PAFAH2: variants seen among roughly 807,000 people sequenced by gnomAD.
The protein encoded by PAFAH2 is platelet activating factor acetylhydrolase 2.
Under a neutral mutation model 49.0 loss-of-function variants are expected in PAFAH2, and 42 were observed. The observed-to-expected ratio is 0.86, with a 90% CI of 0.67 to 1.11. The LOEUF (loss-of-function observed/expected upper bound fraction) is 1.11. Among genes scored for constraint, PAFAH2 ranks in the 50% least tolerant of loss-of-function variants. The probability of loss-of-function intolerance (pLI) is 0.00; values close to 1 mark genes in which losing one functional copy is unlikely to be tolerated. For missense variants in PAFAH2, 503 were observed against 501.8 expected, an observed-to-expected ratio of 1.00 and a Z score of -0.02; for synonymous variants, 184 against 181.3, an observed-to-expected ratio of 1.01 and a Z score of -0.12.
chr1:25,984,376 G>C, intron 5 of PAFAH2, 84 bp downstream of exon 5: 1 of 1,032,724 alleles, frequency 9.7e-7, no homozygotes, highest in Non-Finnish European at 1.5e-6. Context: ...GTTGTCGAGA[G>C]GGTTAGAAAT....
intron 1 of PAFAH2, among the ~76,000 whole-genome samples, chr1:25,992,340 A>G (rs774316658): frequency 2.0e-5 from 3 of 152,220 alleles, no homozygotes; most frequent in Non-Finnish European, 4.4e-5. Flanking sequence ...CTAAGAGGAA[A>G]AAAAGCAGAG....
rs566712888 is a variant in PAFAH2, at chr1:25,988,254, G to A, written c.318C>T (p.Phe106=). Residue 106 remains phenylalanine (F), a synonymous_variant, in exon 4 of 11, where the codon TTC becomes TTT. Transcript: ENST00000374282. ...ACCTGAAGGCTCCTAGGCCATGGGA[G>A]AAGATGATCAAGGGGTATCCAGAGT... The part of the protein sequence containing the change: ...TKDSGYPLII[F]SHGLGAFRTL... 83 of 1,606,940 alleles carry A rather than the reference G, an allele frequency of 5.2e-5. No individual in the cohort carries two copies. The highest frequency in any genetic ancestry group is 6.6e-5 in the Non-Finnish European group (78 of 1,176,788).
At chr1:25,983,578 T>C (rs1336904274) in intron 6 of PAFAH2, among the ~76,000 whole-genome samples, 2 of 150,286 alleles carry the variant, frequency 1.3e-5, no homozygotes, top group Non-Finnish European at 1.5e-5. Context: ...AAAAAACAAC[T>C]TATGGTTCTA....
intron 7 of PAFAH2, among the ~76,000 whole-genome samples, chr1:25,980,909 T>C (rs991351514): frequency 6.6e-6 from 1 of 151,642 alleles, no homozygotes; most frequent in Non-Finnish European, 1.5e-5. Context: ...CCCAGCTACT[T>C]GGGAGGCTGA....
At chr1:25,994,755 G>T (rs1356034471) in intron 1 of PAFAH2, among the ~76,000 whole-genome samples, 9 of 152,106 alleles carry the variant, frequency 5.9e-5, no homozygotes, top group Admixed American at 5.9e-4. Flanking sequence ...TCTGCATAGA[G>T]AACAGCACTT....
At position 25,962,063 on chromosome 1, in the gene PAFAH2, G is replaced by A; in HGVS notation, c.1105C>T (p.Gln369Ter). 1 of 1,613,640 alleles carries A rather than the reference G, an allele frequency of 6.2e-7. No homozygotes were observed. Among genetic ancestry groups the A allele is most frequent in the Non-Finnish European group, 8.5e-7 (1 of 1,179,732 alleles). The change falls in exon 11 of 11, where the codon CAA (glutamine) becomes TAA (stop). Residue 369 changes from glutamine (Q) to a stop codon, truncating the protein, a stop_gained. Transcript: ENST00000374282. LOFTEE classifies it high-confidence loss of function. ...KHLDLKEDYN[Q>*]WNNLIEGIGP... The stretch of plus-strand genomic sequence containing the variant: ...ATGCCTTCAATAAGGTTGTTCCATT[G>A]ATTATAGTCTTCTTTCAGGTCTGAA...
At chr1:25,988,830 A>T (rs951512069) in intron 3 of PAFAH2, among the ~76,000 whole-genome samples, 11 of 150,502 alleles carry the variant, frequency 7.3e-5, no homozygotes, top group Middle Eastern at 3.5e-3. Context: ...AAAAAAAAAA[A>T]AAAGGAAAAG....
At chr1:25,969,008 A>C (rs1262370174) in intron 10 of PAFAH2, among the ~76,000 whole-genome samples, 3 of 152,180 alleles carry the variant, frequency 2.0e-5, no homozygotes, top group Non-Finnish European at 4.4e-5. Context: ...TGTGAACACA[A>C]GTCTAATCAC....
intron 10 of PAFAH2, among the ~76,000 whole-genome samples, chr1:25,969,689 G>A (rs1048913187): frequency 6.6e-6 from 1 of 152,178 alleles, no homozygotes; most frequent in Admixed American, 6.5e-5. Flanking sequence ...CAGTCTAAGT[G>A]CCTCCTACCT....
intron 3 of PAFAH2, 75 bp downstream of exon 3, chr1:25,989,373 T>G (rs2049837872): frequency 1.4e-6 from 2 of 1,401,408 alleles, no homozygotes; most frequent in Admixed American, 4.8e-5. Context: ...TATAAGGTAC[T>G]GCGTCCACCT....
intron 10 of PAFAH2, among the ~76,000 whole-genome samples, chr1:25,970,221 C>T (rs1254646799): frequency 6.6e-6 from 1 of 152,144 alleles, no homozygotes; most frequent in Non-Finnish European, 1.5e-5. Context: ...AATCCCAGCA[C>T]TTTGGGAGGC....
chr1:25,965,268 A>G (rs543891718), intron 10 of PAFAH2, among the ~76,000 whole-genome samples: 3 of 152,336 alleles, frequency 2.0e-5, no homozygotes, highest in South Asian at 2.1e-4. Flanking sequence ...TTAACTCAAG[A>G]TGGATTAAAG....
At chr1:25,991,481 G>A (rs543399056) in intron 1 of PAFAH2, among the ~76,000 whole-genome samples, 125 of 151,008 alleles carry the variant, frequency 8.3e-4, no homozygotes, top group African/African-American at 2.9e-3. Flanking sequence ...ACGGGGTTTC[G>A]CCATGTTGGC....
At chr1:25,970,579 C>T (rs2049491331) in intron 10 of PAFAH2, among the ~76,000 whole-genome samples, 1 of 152,146 alleles carries the variant, frequency 6.6e-6, no homozygotes, top group Admixed American at 6.5e-5. Flanking sequence ...CAGGGCACCA[C>T]AGTTTATCTA....
At chr1:25,977,288 C>T (rs1414199601) in intron 7 of PAFAH2, among the ~76,000 whole-genome samples, 4 of 151,370 alleles carry the variant, frequency 2.6e-5, no homozygotes, top group South Asian at 2.1e-4. Flanking sequence ...CGTGAGCCAC[C>T]GCGCCCGGCT....
intron 1 of PAFAH2, chr1:25,997,521 C>T (rs1000735036): frequency 2.0e-5 from 3 of 152,176 alleles, no homozygotes; most frequent in Admixed American, 6.6e-5. Context: ...TATGATTTGC[C>T]CAAGGTCACA....
chr1:25,971,743 C>T (rs745867518), intron 10 of PAFAH2, among the ~76,000 whole-genome samples: 25 of 152,166 alleles, frequency 1.6e-4, no homozygotes, highest in Non-Finnish European at 2.8e-4. Context: ...ACCAATAAAG[C>T]TTAATAAGAG....
chr1:25,964,788 C>T (rs1206262143), intron 10 of PAFAH2, among the ~76,000 whole-genome samples: 1 of 152,084 alleles, frequency 6.6e-6, no homozygotes, highest in Non-Finnish European at 1.5e-5. Flanking sequence ...ATGGAAAAAA[C>T]ATCCCACACT....
intron 10 of PAFAH2, among the ~76,000 whole-genome samples, chr1:25,966,451 C>T (rs1045740023): frequency 2.0e-5 from 3 of 152,098 alleles, no homozygotes; most frequent in Admixed American, 6.6e-5. Flanking sequence ...AAAAAAAGAA[C>T]GAAATCACGT....
Sources: gnomAD v4.1 joint callset for allele counts (sites outside exome capture counted in the v4.1 genomes callset) on GRCh38, gnomAD v4.1.1 for gene constraint, MANE v1.5 for transcripts, NCBI Gene and HGNC (gene_info 2026-07-23, HGNC 2026-07-21) for gene names.